The following ZFHX3 variants were observed in gnomAD, a reference collection of about 807,000 sequenced individuals.
The protein encoded by ZFHX3 is zinc finger homeobox protein 3.
Under a neutral mutation model 279.1 loss-of-function variants are expected in ZFHX3, and 42 were observed. That is an observed-to-expected ratio of 0.15 (90% confidence interval 0.12 to 0.19). The LOEUF (loss-of-function observed/expected upper bound fraction) is 0.19. Ranked by LOEUF, ZFHX3 falls within the 10% of genes least tolerant of loss-of-function variation. The probability of loss-of-function intolerance (pLI) is 1.00; values close to 1 mark genes in which losing one functional copy is unlikely to be tolerated. For missense variants in ZFHX3, 4,981 were observed against 4,754.0 expected (o/e 1.05, Z -1.40); for synonymous variants, 2,293 against 1,957.8 (o/e 1.17, Z -4.52).
chr16:73,579,918 A>C (rs1028391194), intron 2 of ZFHX3, among the ~76,000 whole-genome samples: 1 of 146,970 alleles, frequency 6.8e-6, no homozygotes, highest in Non-Finnish European at 1.5e-5. Context: ...ATTATAAAGT[A>C]TAATGTATAA....
intron 3 of ZFHX3, among the ~76,000 whole-genome samples, chr16:73,335,957 T>A (rs2015904259): frequency 6.6e-6 from 1 of 152,224 alleles, no homozygotes; most frequent in Non-Finnish European, 1.5e-5. Context: ...AAACAGCACA[T>A]CACAGATTCT....
At chr16:73,235,711 C>T (rs889050280) in intron 5 of ZFHX3, among the ~76,000 whole-genome samples, 10 of 152,044 alleles carry the variant, frequency 6.6e-5, no homozygotes, top group Admixed American at 1.3e-4. Flanking sequence ...CTCGCTCTGT[C>T]GCCCATGCTG....
intron 2 of ZFHX3, among the ~76,000 whole-genome samples, chr16:73,556,611 C>A (rs1457615546): frequency 1.3e-5 from 2 of 151,934 alleles, no homozygotes; most frequent in African/African-American, 4.8e-5. Flanking sequence ...GGCAGGGAAG[C>A]ATGGGGAGGG....
chr16:73,283,546 A>G (rs1334930953), intron 4 of ZFHX3, among the ~76,000 whole-genome samples: 1 of 152,144 alleles, frequency 6.6e-6, no homozygotes, highest in Non-Finnish European at 1.5e-5. Context: ...CCCAGATAAT[A>G]AGAAAACATG....
chr16:73,367,210 G>A (rs934662315), intron 3 of ZFHX3, among the ~76,000 whole-genome samples: 2 of 152,022 alleles, frequency 1.3e-5, no homozygotes, highest in African/African-American at 4.8e-5. Flanking sequence ...CCAATGCATG[G>A]TCATGGGAAA....
At position 73,025,285 on chromosome 16, in the gene ZFHX3, A is replaced by C. The variant is rs370485730; in HGVS notation, c.-50+22467T>G. Among the ~76,000 whole-genome samples, 58 of 152,256 alleles carry C rather than the reference A, an allele frequency of 3.8e-4. No homozygotes were observed. The East Asian group carries it at 0.01, about 27-fold the overall frequency. Reference sequence around the variant, plus strand: ...CCAATGCGGCGGCAGCCACCAGCCCATGCAGGACTCACACATGGGCAGACA... The same window carrying C: ...CCAATGCGGCGGCAGCCACCAGCCCCTGCAGGACTCACACATGGGCAGACA... On this transcript the variant is annotated intron_variant, in intron 1 of 9. Transcript: ENST00000268489.
At chr16:73,876,401 T>C (rs1197976995) in intron 1 of ZFHX3, among the ~76,000 whole-genome samples, 2 of 152,240 alleles carry the variant, frequency 1.3e-5, no homozygotes, top group Non-Finnish European at 2.9e-5. Flanking sequence ...AGACACAGGC[T>C]AATATATTTA....
chr16:72,960,594 G>A (rs928068078), intron 1 of ZFHX3, among the ~76,000 whole-genome samples: 1 of 152,142 alleles, frequency 6.6e-6, no homozygotes, highest in Non-Finnish European at 1.5e-5. Context: ...TACCACTTAT[G>A]GACAGCTCAC....
chr16:73,282,155 C>T (rs4132875), intron 4 of ZFHX3, among the ~76,000 whole-genome samples: 92,622 of 152,072 alleles, frequency 0.61, 28,431 homozygotes, highest in East Asian at 0.83. Flanking sequence ...TTTTCCCCCA[C>T]TCCACAGGTG....
chr16:73,770,418 A>G (rs2054004832), intron 1 of ZFHX3, among the ~76,000 whole-genome samples: 2 of 152,234 alleles, frequency 1.3e-5, no homozygotes, highest in African/African-American at 4.8e-5. Context: ...GAACTATATA[A>G]AATCATAAAC....
At chr16:73,276,385 T>A (rs1469200780) in intron 4 of ZFHX3, among the ~76,000 whole-genome samples, 1 of 152,020 alleles carries the variant, frequency 6.6e-6, no homozygotes, top group Non-Finnish European at 1.5e-5. Flanking sequence ...GGTTTCACCA[T>A]TTTGCCCAGG....
intron 7 of ZFHX3, among the ~76,000 whole-genome samples, chr16:73,114,492 A>G (rs1292021216): frequency 2.0e-5 from 3 of 151,892 alleles, no homozygotes; most frequent in Non-Finnish European, 4.4e-5. Context: ...CCTGGGCAAC[A>G]TAGTGAGACC....
At chr16:73,483,473 A>G (rs1002557153) in intron 2 of ZFHX3, 1 of 435,786 alleles carries the variant, frequency 2.3e-6, no homozygotes, top group African/African-American at 2.1e-5. Context: ...TGCTCTGCCA[A>G]TTCAAATGGC....
At chr16:73,473,669 G>A (rs2018714868) in intron 2 of ZFHX3, among the ~76,000 whole-genome samples, 1 of 152,182 alleles carries the variant, frequency 6.6e-6, no homozygotes, top group Admixed American at 6.5e-5. Flanking sequence ...CACACCTGCT[G>A]AAAAGAACAT....
chr16:73,704,208 C>T (rs1439468913), intron 1 of ZFHX3, among the ~76,000 whole-genome samples: 3 of 152,148 alleles, frequency 2.0e-5, no homozygotes, highest in African/African-American at 7.2e-5. Context: ...CCACATGAAT[C>T]CCAGTATTAA....
chr16:73,786,644 C>T (rs1959656196), intron 1 of ZFHX3, among the ~76,000 whole-genome samples: 1 of 152,182 alleles, frequency 6.6e-6, no homozygotes, highest in Non-Finnish European at 1.5e-5. Context: ...AGATGCCAAC[C>T]TCATTTCATT....
intron 2 of ZFHX3, among the ~76,000 whole-genome samples, chr16:73,524,590 C>T (rs2019660469): frequency 6.6e-6 from 1 of 152,134 alleles, no homozygotes; most frequent in Admixed American, 6.5e-5. Flanking sequence ...GAACTAATTC[C>T]AGCACTCAAC....
chr16:73,217,942 A>T (rs890289229), intron 5 of ZFHX3, among the ~76,000 whole-genome samples: 2 of 152,166 alleles, frequency 1.3e-5, no homozygotes, highest in Non-Finnish European at 2.9e-5. Flanking sequence ...AAAAAAGCCA[A>T]AACTAAACAA....
intron 1 of ZFHX3, among the ~76,000 whole-genome samples, chr16:72,965,221 C>T (rs1361341493): frequency 6.6e-6 from 1 of 152,210 alleles, no homozygotes; most frequent in Non-Finnish European, 1.5e-5. Flanking sequence ...AACACTAGAA[C>T]ATCCCTACAT....
Sources: allele counts gnomAD v4.1 joint callset (sites outside exome capture counted in the v4.1 genomes callset), GRCh38; gene constraint gnomAD v4.1.1; transcripts MANE v1.5; gene names NCBI Gene and HGNC (gene_info 2026-07-23, HGNC 2026-07-21).